LRP1B: variants seen among roughly 807,000 people sequenced by gnomAD.
LRP1B encodes LDL receptor related protein 1B.
In LRP1B, 217 loss-of-function variants were observed where a neutral mutation model predicts 556.6. The observed-to-expected ratio is 0.39, with a 90% CI of 0.35 to 0.44. The LOEUF (loss-of-function observed/expected upper bound fraction) is 0.44, where lower values mean the gene tolerates loss of function less well. Ranked by LOEUF, LRP1B falls within the 20% of genes least tolerant of loss-of-function variation. The pLI is 1.00. For missense variants in LRP1B, 5,053 were observed against 5,620.8 expected, an observed-to-expected ratio of 0.90 and a Z score of 3.23; for synonymous variants, 2,047 against 1,865.8, an observed-to-expected ratio of 1.10 and a Z score of -2.50.
intron 32 of LRP1B, among the ~76,000 whole-genome samples, chr2:140,804,673 T>C (rs1690649932): frequency 6.8e-6 from 1 of 148,142 alleles, no homozygotes; most frequent in Non-Finnish European, 1.5e-5. Context: ...TTTTTTTTTT[T>C]TTTTGCCATT....
At chr2:141,656,156 C>T (rs866787681) in intron 2 of LRP1B, among the ~76,000 whole-genome samples, 2 of 152,154 alleles carry the variant, frequency 1.3e-5, no homozygotes, top group Non-Finnish European at 2.9e-5. Flanking sequence ...ATTCTAACTT[C>T]AGAAACCAGG....
intron 77 of LRP1B, among the ~76,000 whole-genome samples, chr2:140,337,378 A>G (rs1176724622): frequency 6.6e-6 from 1 of 151,944 alleles, no homozygotes; most frequent in East Asian, 1.9e-4. Flanking sequence ...AATACAGTAT[A>G]CTCTAGAAAT....
chr2:140,483,641 T>TATATAGATATA (rs1491178607), intron 59 of LRP1B, among the ~76,000 whole-genome samples: 1 of 52,260 alleles, frequency 1.9e-5, no homozygotes, highest in Non-Finnish European at 3.5e-5. Context: ...TATATATATA[T>TATATAGATATA]TTTTTTTTTT....
At chr2:141,746,072 G>C (rs1693905378) in intron 2 of LRP1B, among the ~76,000 whole-genome samples, 1 of 151,990 alleles carries the variant, frequency 6.6e-6, no homozygotes, top group African/African-American at 2.4e-5. Flanking sequence ...AGGAAGGAAG[G>C]GTCTCTTTTG....
Position 140,551,049 on chromosome 2 carries a change from A to T in LRP1B, c.7195-9078T>A, listed in dbSNP as rs1680530598. ...GCTGTCTGAAAGCCAGGAAGCGGTA[A>T]AGCCATCACTAGACCCTCATCATGC... On this transcript the variant is annotated intron_variant, in intron 43 of 90. Coordinates refer to ENST00000389484, the MANE Select transcript of LRP1B (RefSeq NM_018557.3). 1.3e-5 allele frequency among the ~76,000 whole-genome samples: 2 copies of T among 152,098 alleles called. 1 individual carries two copies. The highest frequency in any genetic ancestry group is 4.1e-4 in the South Asian group (2 of 4,824).
chr2:140,544,903 T>TTTTC (rs1680270690), intron 43 of LRP1B, among the ~76,000 whole-genome samples: 1 of 152,016 alleles, frequency 6.6e-6, no homozygotes, highest in Admixed American at 6.6e-5. Flanking sequence ...ATCACACTGT[T>TTTTC]TTCCACAATG....
intron 7 of LRP1B, among the ~76,000 whole-genome samples, chr2:141,160,104 T>C (rs892244865): frequency 9.3e-5 from 14 of 151,084 alleles, no homozygotes; most frequent in African/African-American, 3.1e-4. Flanking sequence ...ATCCCATTTC[T>C]TATTTTTTTT....
intron 47 of LRP1B, among the ~76,000 whole-genome samples, chr2:140,530,461 C>T (rs1258213989): frequency 1.3e-5 from 2 of 152,012 alleles, no homozygotes; most frequent in Non-Finnish European, 2.9e-5. Flanking sequence ...AAGTCTTTAT[C>T]AGACAGCCCG....
intron 3 of LRP1B, among the ~76,000 whole-genome samples, chr2:141,428,416 T>TA (rs1030359782): frequency 1.5e-4 from 23 of 151,708 alleles, no homozygotes; most frequent in Admixed American, 4.6e-4. Flanking sequence ...TAAGTATATT[T>TA]AAAAAAAAAT....
chr2:141,102,271 C>A (rs1700480155), intron 7 of LRP1B, among the ~76,000 whole-genome samples: 1 of 151,982 alleles, frequency 6.6e-6, no homozygotes, highest in Non-Finnish European at 1.5e-5. Context: ...TAATCATGAC[C>A]ATAGAGCAAC....
chr2:140,371,052 C>A, intron 70 of LRP1B, 127 bp downstream of exon 70: 3 of 788,308 alleles, frequency 3.8e-6, no homozygotes. Flanking sequence ...TGATTGCATT[C>A]AATGTACATA....
At chr2:141,320,494 C>T (rs534372118) in intron 3 of LRP1B, among the ~76,000 whole-genome samples, 381 of 152,102 alleles carry the variant, frequency 2.5e-3, no homozygotes, top group Non-Finnish European at 3.9e-3. Flanking sequence ...ATGCTATGTA[C>T]TATGCCTAGA....
rs35836885 is a variant in LRP1B, at chr2:140,577,421, A to ATT, written c.7194+21208_7194+21209dup. Among the ~76,000 whole-genome samples, 253 of 144,664 alleles carry ATT rather than the reference A, an allele frequency of 1.7e-3. 3 individuals are homozygous for ATT. Among genetic ancestry groups the ATT allele is most frequent in the Admixed American group, 3.9e-3 (56 of 14,498 alleles). The allele number at this position is 144,664 out of a possible 152,430, so 94.9% of individuals were successfully genotyped here. A position where few individuals can be genotyped will look rare whatever the true frequency, so the allele number is the denominator to read the frequency against. On this transcript the variant is annotated intron_variant, in intron 43 of 90. Coordinates refer to ENST00000389484, the MANE Select transcript of LRP1B (RefSeq NM_018557.3). ...TCGCTTGAACTTTATCCACTACTGA[A>ATT]TTTTTTTTTTTTTTTGAGACAAGGT...
rs1259524850 is a variant in LRP1B at position 140,796,547 on chromosome 2, G to A, written c.5359+17110C>T. Among the ~76,000 whole-genome samples, 6 of 152,012 alleles carry A rather than the reference G, an allele frequency of 3.9e-5. No individual in the cohort carries two copies. The East Asian group carries it at 1.2e-3, about 29-fold the overall frequency. On this transcript the variant is annotated intron_variant, in intron 32 of 90. Coordinates refer to ENST00000389484, the MANE Select transcript of LRP1B (RefSeq NM_018557.3). Reference sequence around the variant, plus strand: ...TACTTAGAGAAGACAACTATGTACTGTACTTAGTGCTGGGCAAATTGCCTG... The same window carrying A: ...TACTTAGAGAAGACAACTATGTACTATACTTAGTGCTGGGCAAATTGCCTG...
chr2:141,470,490 TG>T lies in LRP1B; in HGVS notation c.343+9905del, dbSNP rs142800547. On this transcript the variant is annotated intron_variant, in intron 3 of 90. Transcript: ENST00000389484. ...TCAGTTGAAATTCTACAAGCCATCT[TG>T]CTGCTTTGAGAATGGGTCAGGAGGA... 6.4e-3 allele frequency among the ~76,000 whole-genome samples: 971 copies of T among 152,314 alleles called. 5 individuals are homozygous for T. The highest frequency in any genetic ancestry group is 0.01 in the Middle Eastern group (3 of 294).
intron 31 of LRP1B, among the ~76,000 whole-genome samples, chr2:140,834,028 C>A (rs1691811366): frequency 6.6e-6 from 1 of 152,116 alleles, no homozygotes; most frequent in Admixed American, 6.6e-5. Context: ...CAAGATCTTC[C>A]TGAGAGACTC....
chr2:140,410,212 CTCTT>C (rs1684914020), intron 66 of LRP1B, among the ~76,000 whole-genome samples: 1 of 151,976 alleles, frequency 6.6e-6, no homozygotes, highest in Non-Finnish European at 1.5e-5. Flanking sequence ...TTCTCCTTCT[CTCTT>C]TTTTTAATCA....
intron 3 of LRP1B, among the ~76,000 whole-genome samples, chr2:141,397,062 A>C (rs1295547778): frequency 7.1e-6 from 1 of 141,686 alleles, no homozygotes; most frequent in Non-Finnish European, 1.5e-5. Context: ...GTGGTGAACC[A>C]AGATCCCACC....
rs1441064661 is a variant in LRP1B at position 140,683,920 on chromosome 2, C to G, written c.6799+16330G>C. The G allele has an allele frequency of 2.8e-5, 13 of 458,368 alleles. No homozygotes were observed. The Admixed American group carries it at 4.4e-4, about 16-fold the overall frequency. 28.4% of individuals were successfully genotyped at this position (458,368 alleles called of 1,614,324 possible). A position where few individuals can be genotyped will look rare whatever the true frequency, so the allele number is the denominator to read the frequency against. ...CCATGCCGGGCTGCCCGCGGCTTGC[C>G]CCCCTGGATGTTGTGGGCTACGTGA... On this transcript the variant is annotated intron_variant, in intron 41 of 90. Coordinates refer to ENST00000389484, the MANE Select transcript of LRP1B (RefSeq NM_018557.3).
Sources: gnomAD v4.1 joint callset for allele counts (sites outside exome capture counted in the v4.1 genomes callset) on GRCh38, gnomAD v4.1.1 for gene constraint, MANE v1.5 for transcripts, NCBI Gene and HGNC (gene_info 2026-07-23, HGNC 2026-07-21) for gene names.